Variants in GRIK1 observed in about 807,000 individuals in gnomAD.
GRIK1 encodes glutamate ionotropic receptor kainate type subunit 1.
Under a neutral mutation model 105.7 loss-of-function variants are expected in GRIK1, and 69 were observed. The ratio of observed to expected loss-of-function variants is 0.65; its 90% CI spans 0.54 to 0.80. GRIK1 has a LOEUF of 0.80. Among genes scored for constraint, GRIK1 ranks in the 30% least tolerant of loss-of-function variants. GRIK1 has a pLI of 0.00. For missense variants in GRIK1, 1,109 were observed against 1,167.3 expected (o/e 0.95, Z 0.73); for synonymous variants, 438 against 431.3 (o/e 1.02, Z -0.19).
At chr21:29,546,707 A>C (rs1355897729) in intron 16 of GRIK1, among the ~76,000 whole-genome samples, 1 of 152,232 alleles carries the variant, frequency 6.6e-6, no homozygotes, top group African/African-American at 2.4e-5. Context: ...AATTATAGAT[A>C]AACTTTTTTG....
chr21:29,872,343 GCCAT>G (rs921403527), intron 1 of GRIK1, among the ~76,000 whole-genome samples: 3 of 151,914 alleles, frequency 2.0e-5, no homozygotes, highest in African/African-American at 7.3e-5. Context: ...ACAGGAGCCC[GCCAT>G]GACGCCAGCT....
At chr21:29,568,263 T>A (rs924557457) in intron 14 of GRIK1, among the ~76,000 whole-genome samples, 1 of 152,206 alleles carries the variant, frequency 6.6e-6, no homozygotes, top group African/African-American at 2.4e-5. Context: ...TAGGAACTCT[T>A]ATGTGAAGAG....
chr21:29,873,024 C>A (rs1054837734), intron 1 of GRIK1, among the ~76,000 whole-genome samples: 1 of 152,066 alleles, frequency 6.6e-6, no homozygotes, highest in Non-Finnish European at 1.5e-5. Flanking sequence ...GAGGTTAGAG[C>A]TAAAGTATGT....
At chr21:29,698,726 C>T (rs763285433) in intron 1 of GRIK1, among the ~76,000 whole-genome samples, 4 of 152,122 alleles carry the variant, frequency 2.6e-5, no homozygotes, top group African/African-American at 4.8e-5. Flanking sequence ...GCTTGATCAA[C>T]GGTCAAGGTG....
intron 1 of GRIK1, among the ~76,000 whole-genome samples, chr21:29,937,281 C>T (rs1041877471): frequency 6.6e-6 from 1 of 152,138 alleles, no homozygotes; most frequent in South Asian, 2.1e-4. Flanking sequence ...TAGGTGCATA[C>T]GGGGCAACAG....
At position 29,639,207 on chromosome 21, in the gene GRIK1, G is replaced by A. The variant is rs144912625; in HGVS notation, c.1098+3619C>T. On this transcript the variant is annotated intron_variant, in intron 7 of 17. Transcript: ENST00000327783. ...TGCTTATAGATTGTGTGTGTTCTTC[G>A]GTTCCTTTGCTAATTCATTCATTAA... is the stretch of plus-strand genomic sequence containing the variant. Among the ~76,000 whole-genome samples the A allele has an allele frequency of 4.6e-5, 7 of 152,228 alleles. No homozygotes were observed. The East Asian group carries it at 1.3e-3, about 29-fold the overall frequency.
intron 1 of GRIK1, among the ~76,000 whole-genome samples, chr21:29,746,562 G>A (rs1173415939): frequency 6.6e-6 from 1 of 152,116 alleles, no homozygotes; most frequent in Non-Finnish European, 1.5e-5. Context: ...TATCATTCCG[G>A]CTAATTCAGA....
At chr21:29,828,137 C>CT (rs1456886035) in intron 1 of GRIK1, among the ~76,000 whole-genome samples, 1 of 151,820 alleles carries the variant, frequency 6.6e-6, no homozygotes, top group East Asian at 1.9e-4. Flanking sequence ...AGCTACCAGA[C>CT]TTTTTTAAAG....
chr21:29,652,734 C>T (rs184187028), intron 5 of GRIK1, among the ~76,000 whole-genome samples: 45 of 152,276 alleles, frequency 3.0e-4, no homozygotes, highest in African/African-American at 1.1e-3. Flanking sequence ...TAACATTTAA[C>T]AGGAAAAATA....
chr21:29,754,061 G>A (rs963324394), intron 1 of GRIK1, among the ~76,000 whole-genome samples: 3 of 152,000 alleles, frequency 2.0e-5, no homozygotes, highest in Admixed American at 1.3e-4. Context: ...ACCAGTCTTG[G>A]GTGTTTGAAA....
At chr21:29,938,189 G>C (rs1228981456) in intron 1 of GRIK1, among the ~76,000 whole-genome samples, 1 of 152,222 alleles carries the variant, frequency 6.6e-6, no homozygotes, top group African/African-American at 2.4e-5. Context: ...TGCTCAGGAA[G>C]CGTCACTATG....
At chr21:29,609,746 C>T (rs969039728) in intron 7 of GRIK1, among the ~76,000 whole-genome samples, 2 of 152,162 alleles carry the variant, frequency 1.3e-5, no homozygotes, top group East Asian at 3.9e-4. Context: ...GATCTTCGGA[C>T]TCAGACTGAA....
rs1334429767 is a variant in GRIK1, at chr21:29,888,200, T to TTTCTTTCTTTCTTC, written c.118+51182_118+51183insGAAGAAAGAAAGAA. On this transcript the variant is annotated intron_variant, in intron 1 of 17. Transcript: ENST00000327783. ...TTCTTTCTTCCTTTCTTTCTTTCTC[T>TTTCTTTCTTTCTTC]CTCTCTCTCTCTCTCTCTCTCTCTC... is the stretch of plus-strand genomic sequence containing the variant. Among the ~76,000 whole-genome samples the TTTCTTTCTTTCTTC allele has an allele frequency of 4.1e-4, 13 of 31,606 alleles. 1 individual carries two copies. The highest frequency in any genetic ancestry group is 8.3e-4 in the Admixed American group (2 of 2,402). The allele number at this position is 31,606 out of a possible 152,430, so 20.7% of individuals were successfully genotyped here.
chr21:29,728,971 T>C (rs79870551), intron 1 of GRIK1, among the ~76,000 whole-genome samples: 8,999 of 152,206 alleles, frequency 0.059, 305 homozygotes, highest in African/African-American at 0.068. Flanking sequence ...ACCATATAAG[T>C]AGGTTCCAAC....
chr21:29,601,125 G>T (rs569562822), intron 7 of GRIK1: 4 of 406,254 alleles, frequency 9.8e-6, no homozygotes, highest in African/African-American at 8.1e-5. Context: ...ACTGAGCAAG[G>T]CAGACAGCCC....
In GRIK1 at chr21:29,869,986, A is replaced by G. The variant is rs1601903024; in HGVS notation, c.118+69397T>C. ...CAGGTTGAGCAAATAAACATACAGA[A>G]CATCCGGATCCATTTCAATTTCAGA... On this transcript the variant is annotated intron_variant, in intron 1 of 17. Coordinates refer to ENST00000327783, the MANE Select transcript of GRIK1 (RefSeq NM_001330994.2). 2.6e-5 allele frequency among the ~76,000 whole-genome samples: 4 copies of G among 152,314 alleles called. No homozygotes were observed. In the South Asian group the frequency reaches 8.3e-4, roughly 32 times the overall value.
chr21:29,799,586 G>A (rs2066648981), intron 1 of GRIK1, among the ~76,000 whole-genome samples: 1 of 152,222 alleles, frequency 6.6e-6, no homozygotes. Context: ...CTGGAGTGCA[G>A]TGGCACAATC....
intron 1 of GRIK1, among the ~76,000 whole-genome samples, chr21:29,745,514 A>T: frequency 6.6e-6 from 1 of 152,242 alleles, no homozygotes; most frequent in East Asian, 1.9e-4. Context: ...TGCTAGCAAT[A>T]GACAACTAAT....
chr21:29,678,535 C>G (rs2146668010), intron 3 of GRIK1, among the ~76,000 whole-genome samples: 1 of 152,150 alleles, frequency 6.6e-6, no homozygotes, highest in Middle Eastern at 3.4e-3. Context: ...TATGCCTGGC[C>G]TGGAATATCT....
Sources: allele counts gnomAD v4.1 joint callset (sites outside exome capture counted in the v4.1 genomes callset), GRCh38; gene constraint gnomAD v4.1.1; transcripts MANE v1.5; gene names NCBI Gene and HGNC (gene_info 2026-07-23, HGNC 2026-07-21).